Variants in NIBAN1 observed in about 807,000 individuals in gnomAD.
The protein encoded by NIBAN1 is niban apoptosis regulator 1.
A neutral mutation model predicts 75.1 loss-of-function variants in NIBAN1; 81 were observed. That is an observed-to-expected ratio of 1.08 (90% CI 0.90 to 1.30). NIBAN1 has a LOEUF of 1.30. NIBAN1 is among the 50% of genes most tolerant of loss of function. The pLI is 0.00. For synonymous variants in NIBAN1, 436 were observed against 424.8 expected (o/e 1.03, Z -0.32); for missense variants, 1,133 against 1,128.1 (o/e 1.00, Z -0.06).
chr1:184,841,512 A>G (rs1180902377), intron 5 of NIBAN1, among the ~76,000 whole-genome samples: 1 of 152,252 alleles, frequency 6.6e-6, no homozygotes, highest in Non-Finnish European at 1.5e-5. Context: ...AAAGTGGAGT[A>G]CTTCTGAAGA....
chr1:184,951,578 A>G (rs1658358847), intron 1 of NIBAN1, among the ~76,000 whole-genome samples: 1 of 151,936 alleles, frequency 6.6e-6, no homozygotes, highest in Non-Finnish European at 1.5e-5. Context: ...TACCTCCAAA[A>G]TGTATTTATA....
intron 5 of NIBAN1, among the ~76,000 whole-genome samples, chr1:184,860,513 ATG>A (rs1460736512): frequency 1.3e-5 from 2 of 152,228 alleles, no homozygotes; most frequent in South Asian, 4.1e-4. Context: ...ACAAAAATTG[ATG>A]TGTTATTTTA....
chr1:184,871,431 A>G (rs1476879227), intron 5 of NIBAN1, among the ~76,000 whole-genome samples: 1 of 151,688 alleles, frequency 6.6e-6, no homozygotes, highest in Non-Finnish European at 1.5e-5. Flanking sequence ...GGATGAAGGC[A>G]TGGATCAGAG....
chr1:184,801,422 C>A (rs1463892022), intron 12 of NIBAN1, among the ~76,000 whole-genome samples: 2 of 152,110 alleles, frequency 1.3e-5, no homozygotes, highest in Non-Finnish European at 2.9e-5. Flanking sequence ...AGACATGGGA[C>A]CTTGGTGAGC....
Position 184,851,628 on chromosome 1 carries a change from TA to T in NIBAN1, c.602-19667del, listed in dbSNP as rs537374977. Among the ~76,000 whole-genome samples the T allele has an allele frequency of 3.1e-3, 71 of 22,920 alleles. 22 individuals are homozygous for T. Among genetic ancestry groups the T allele is most frequent in the South Asian group, 0.011 (7 of 616 alleles). The allele number at this position is 22,920 out of a possible 152,430, so 15.0% of individuals were successfully genotyped here. A position where few individuals can be genotyped will look rare whatever the true frequency, so the allele number is the denominator to read the frequency against. On this transcript the variant is annotated intron_variant, in intron 5 of 13. Transcript: ENST00000367511. ...ATGTACCCTAAAACTTAGAGTATAATAAAAAAAAAAAAAATTAAAAAAAAAA... is the reference window on the plus strand; with the variant it reads ...ATGTACCCTAAAACTTAGAGTATAATAAAAAAAAAAAAATTAAAAAAAAAA...
At chr1:184,866,661 G>A (rs928332037) in intron 5 of NIBAN1, among the ~76,000 whole-genome samples, 1 of 152,020 alleles carries the variant, frequency 6.6e-6, no homozygotes, top group African/African-American at 2.4e-5. Flanking sequence ...AATATACATG[G>A]TATGAAGAGA....
chr1:184,972,125 C>T (rs956596638), intron 1 of NIBAN1, among the ~76,000 whole-genome samples: 2 of 152,216 alleles, frequency 1.3e-5, no homozygotes, highest in Non-Finnish European at 2.9e-5. Flanking sequence ...TGACTAGCTA[C>T]TCTCCTTGTT....
chr1:184,894,219 G>A lies in NIBAN1; in HGVS notation c.187-13C>T. 1 of 1,589,574 alleles carries A rather than the reference G, an allele frequency of 6.3e-7. No individual in the cohort carries two copies. The highest frequency in any genetic ancestry group is 1.8e-5 in the Admixed American group (1 of 54,638). The stretch of plus-strand genomic sequence containing the variant: ...GCGCCAATGGTGGCTTAAAGAAGAT[G>A]AATACAATTAACTATCACAACAAAA... On this transcript the variant is annotated splice_polypyrimidine_tract_variant and intron_variant, in intron 2 of 13. Transcript: ENST00000367511.
intron 1 of NIBAN1, among the ~76,000 whole-genome samples, chr1:184,903,937 C>A (rs997242080): frequency 8.6e-5 from 13 of 151,638 alleles, no homozygotes; most frequent in African/African-American, 2.9e-4. Context: ...ACTCTTATCC[C>A]CCAGGCTGTA....
intron 1 of NIBAN1, among the ~76,000 whole-genome samples, chr1:184,909,042 C>G (rs555871304): frequency 6.6e-6 from 1 of 152,240 alleles, no homozygotes; most frequent in African/African-American, 2.4e-5. Flanking sequence ...ATGAGATTCC[C>G]TTTGCTCTTT....
intron 5 of NIBAN1, among the ~76,000 whole-genome samples, chr1:184,874,012 G>A (rs1284202451): frequency 6.6e-6 from 1 of 152,062 alleles, no homozygotes; most frequent in African/African-American, 2.4e-5. Context: ...AAGTGGAGAG[G>A]GGTGTTAAAG....
At chr1:184,960,168 AT>A (rs1023163276) in intron 1 of NIBAN1, among the ~76,000 whole-genome samples, 3 of 152,212 alleles carry the variant, frequency 2.0e-5, no homozygotes, top group Non-Finnish European at 2.9e-5. Flanking sequence ...GCTTAAAATG[AT>A]TTTTTAGAGA....
intron 1 of NIBAN1, among the ~76,000 whole-genome samples, chr1:184,941,092 C>G (rs942905346): frequency 6.6e-6 from 1 of 152,124 alleles, no homozygotes; most frequent in African/African-American, 2.4e-5. Context: ...ACCCAAAGCA[C>G]TTACAGTTTT....
chr1:184,853,965 A>G (rs1175910021), intron 5 of NIBAN1, among the ~76,000 whole-genome samples: 1 of 152,226 alleles, frequency 6.6e-6, no homozygotes, highest in African/African-American at 2.4e-5. Flanking sequence ...TTTAAATTTT[A>G]TAGTAGCCAT....
rs1557877507 is a variant in NIBAN1, at chr1:184,823,192, C to T, written c.960G>A (p.Lys320=). Residue 320 remains lysine, a synonymous_variant, in exon 8 of 14, where the codon AAG becomes AAA. Transcript: ENST00000367511. ...CTTTGATCTTTCCAATTAAATAGTT[C>T]TTTGAGTTCACAATCTGATCCATGT... ...RSDMDQIVNS[K]NYLIGKIKAM... is the part of the protein sequence containing the mutation. 1 of 1,614,192 alleles carries T rather than the reference C, an allele frequency of 6.2e-7. No homozygotes were observed.
chr1:184,905,595 C>T (rs1442608801), intron 1 of NIBAN1, among the ~76,000 whole-genome samples: 1 of 152,064 alleles, frequency 6.6e-6, no homozygotes. Flanking sequence ...CTCCTTTCTC[C>T]CCCTAAGTCC....
chr1:184,804,172 A>C (rs1468659721), intron 11 of NIBAN1, among the ~76,000 whole-genome samples: 3 of 152,220 alleles, frequency 2.0e-5, no homozygotes, highest in African/African-American at 7.2e-5. Flanking sequence ...AACAAGAAAG[A>C]TGACGATTCT....
intron 1 of NIBAN1, among the ~76,000 whole-genome samples, chr1:184,960,348 A>T (rs1371754324): frequency 6.6e-6 from 1 of 152,154 alleles, no homozygotes; most frequent in East Asian, 1.9e-4. Context: ...GCTCTTTCTT[A>T]TTCTATTATT....
At chr1:184,930,223 G>A (rs1289192804) in intron 1 of NIBAN1, among the ~76,000 whole-genome samples, 2 of 152,172 alleles carry the variant, frequency 1.3e-5, no homozygotes, top group South Asian at 2.1e-4. Flanking sequence ...AATGGATAGG[G>A]TACGACTCAA....
Sources: allele counts gnomAD v4.1 joint callset (sites outside exome capture counted in the v4.1 genomes callset), GRCh38; gene constraint gnomAD v4.1.1; transcripts MANE v1.5; gene names NCBI Gene and HGNC (gene_info 2026-07-23, HGNC 2026-07-21).